The following TENM2 variants were observed in gnomAD, a reference collection of about 807,000 sequenced individuals.
The protein encoded by TENM2 is teneurin-2.
In TENM2, 52 loss-of-function variants were observed where a neutral mutation model predicts 245.2. The observed-to-expected ratio is 0.21, with a 90% CI of 0.17 to 0.27. The LOEUF is 0.27. TENM2 is among the 10% of genes least tolerant of loss of function. The pLI is 1.00. For missense variants in TENM2, 3,046 were observed against 3,666.8 expected (o/e 0.83, Z 4.37); for synonymous variants, 1,363 against 1,438.9 (o/e 0.95, Z 1.19).
intron 2 of TENM2, among the ~76,000 whole-genome samples, chr5:167,751,816 A>G (rs1280616291): frequency 6.6e-6 from 1 of 152,008 alleles, no homozygotes; most frequent in Non-Finnish European, 1.5e-5. Context: ...TTTTATGGTT[A>G]TATATGTAAT....
the TENM2 span, among the ~76,000 whole-genome samples, chr5:166,981,480 G>A: frequency 5.9e-5 from 9 of 152,216 alleles, no homozygotes; most frequent in East Asian, 1.9e-4. Context: ...TACCTAAAGC[G>A]TCAGGTTCCC....
chr5:168,168,585 G>A (rs192751801), intron 13 of TENM2, among the ~76,000 whole-genome samples: 2 of 151,822 alleles, frequency 1.3e-5, no homozygotes, highest in East Asian at 2.0e-4. Flanking sequence ...TCAGGAGGCC[G>A]AGGTAGAAGG....
intron 2 of TENM2, among the ~76,000 whole-genome samples, chr5:167,576,546 A>G (rs568262226): frequency 1.3e-5 from 2 of 152,304 alleles, no homozygotes; most frequent in East Asian, 1.9e-4. Context: ...GTCCCTATAT[A>G]TAATGTCTGT....
chr5:168,023,407 ACT>A (rs1246528924), intron 5 of TENM2, among the ~76,000 whole-genome samples: 1 of 151,620 alleles, frequency 6.6e-6, no homozygotes, highest in East Asian at 2.0e-4. Context: ...CTGCCAGAGA[ACT>A]CTCTCTCTGG....
the TENM2 span, among the ~76,000 whole-genome samples, chr5:167,142,638 C>G: frequency 2.0e-5 from 3 of 152,114 alleles, no homozygotes; most frequent in Admixed American, 6.6e-5. Context: ...GCAGCCTCCT[C>G]CACTCGGGTT....
chr5:167,970,915 C>G (rs1009221296), intron 4 of TENM2, among the ~76,000 whole-genome samples: 4 of 151,248 alleles, frequency 2.6e-5, no homozygotes, highest in African/African-American at 9.7e-5. Context: ...TGTGGTGGCA[C>G]TGGGGTGGGC....
intron 1 of TENM2, among the ~76,000 whole-genome samples, chr5:167,339,413 G>A (rs1581781660): frequency 6.6e-6 from 1 of 152,108 alleles, no homozygotes; most frequent in East Asian, 1.9e-4. Flanking sequence ...TGAGATGGCT[G>A]ATTAAGTCCA....
intron 9 of TENM2, among the ~76,000 whole-genome samples, chr5:168,103,479 A>G (rs943531428): frequency 1.3e-5 from 2 of 152,200 alleles, no homozygotes. Flanking sequence ...CCAGTCTGTG[A>G]CAGTTCCTCG....
At chr5:167,432,071 T>G (rs1329449416) in intron 2 of TENM2, among the ~76,000 whole-genome samples, 1 of 150,502 alleles carries the variant, frequency 6.6e-6, no homozygotes, top group Non-Finnish European at 1.5e-5. Context: ...TATATGGAAG[T>G]TAAATTCTAA....
At chr5:167,633,269 C>T (rs1778987420) in intron 2 of TENM2, among the ~76,000 whole-genome samples, 1 of 152,064 alleles carries the variant, frequency 6.6e-6, no homozygotes. Context: ...TCAGACATGG[C>T]CCCTCTGTTC....
chr5:167,204,733 A>G, the TENM2 span, among the ~76,000 whole-genome samples: 24 of 152,286 alleles, frequency 1.6e-4, no homozygotes, highest in Non-Finnish European at 3.1e-4. Flanking sequence ...TTAGAGTCCT[A>G]TTTGACAAAA....
chr5:167,475,809 C>A (rs970146098), intron 2 of TENM2, among the ~76,000 whole-genome samples: 4 of 152,026 alleles, frequency 2.6e-5, no homozygotes, highest in Admixed American at 6.6e-5. Context: ...TCAGCCATGT[C>A]CCTGCAAAGG....
intron 2 of TENM2, among the ~76,000 whole-genome samples, chr5:167,427,859 CGGAAAGGAAGGGAAGGAA>C (rs1763963016): frequency 3.6e-5 from 3 of 83,168 alleles, no homozygotes; most frequent in African/African-American, 1.6e-4. Context: ...GAAGGAAGGA[CGGAAAGGAAGGGAAGGAA>C]GGGAAGGAAG....
At chr5:167,124,552 G>T in the TENM2 span, among the ~76,000 whole-genome samples, 6 of 152,236 alleles carry the variant, frequency 3.9e-5, no homozygotes, top group Non-Finnish European at 5.9e-5. Context: ...ATAAAAATGA[G>T]TGTCATTTAT....
At chr5:167,371,511 G>A (rs13169226) in intron 1 of TENM2, among the ~76,000 whole-genome samples, 25,908 of 151,644 alleles carry the variant, frequency 0.17, 2,359 homozygotes, top group Non-Finnish European at 0.21. Context: ...ACAGCCATGC[G>A]CCACCACACC....
chr5:167,910,455 G>A (rs1776458137), intron 3 of TENM2, among the ~76,000 whole-genome samples: 1 of 152,016 alleles, frequency 6.6e-6, no homozygotes, highest in South Asian at 2.1e-4. Flanking sequence ...TCCATCACAA[G>A]CAAAAAGAAT....
chr5:168,238,221 G>GAAGAGAAGAA, intron 25 of TENM2, among the ~76,000 whole-genome samples: 1 of 24,382 alleles, frequency 4.1e-5, no homozygotes, highest in East Asian at 1.1e-3. Flanking sequence ...GAGGGAGAGA[G>GAAGAGAAGAA]AAGAAAAGAA....
chr5:167,890,793 G>A (rs974097641), intron 3 of TENM2, among the ~76,000 whole-genome samples: 13 of 152,098 alleles, frequency 8.5e-5, no homozygotes, highest in African/African-American at 3.1e-4. Flanking sequence ...TGATGATAAT[G>A]ATAATGATGA....
At chr5:168,180,774 C>T (rs796690316) in intron 13 of TENM2, among the ~76,000 whole-genome samples, 53 of 152,016 alleles carry the variant, frequency 3.5e-4, no homozygotes, top group African/African-American at 1.1e-3. Flanking sequence ...TTGTGGCGGG[C>T]GCCTGTAATG....
Sources: allele counts gnomAD v4.1 joint callset (sites outside exome capture counted in the v4.1 genomes callset), GRCh38; gene constraint gnomAD v4.1.1; transcripts MANE v1.5; gene names NCBI Gene and HGNC (gene_info 2026-07-23, HGNC 2026-07-21).